The following KIF13A variants were observed in gnomAD, a reference collection of about 807,000 sequenced individuals.
KIF13A encodes kinesin family member 13A.
Under a neutral mutation model 212.2 loss-of-function variants are expected in KIF13A, and 79 were observed. The ratio of observed to expected loss-of-function variants is 0.37; its 90% CI spans 0.31 to 0.45. The LOEUF is 0.45. KIF13A is among the 20% of genes least tolerant of loss of function. KIF13A has a pLI of 1.00. For missense variants in KIF13A, 1,901 were observed against 2,209.0 expected (o/e 0.86, Z 2.79); for synonymous variants, 789 against 808.6 (o/e 0.98, Z 0.41).
chr6:17,906,755 T>C (rs1773541726), intron 2 of KIF13A, among the ~76,000 whole-genome samples: 1 of 152,188 alleles, frequency 6.6e-6, no homozygotes, highest in Admixed American at 6.5e-5. Flanking sequence ...GCCTGGCTGC[T>C]GTGGTACTTT....
chr6:17,882,674 G>GC (rs1771183075), intron 3 of KIF13A, among the ~76,000 whole-genome samples: 1 of 151,580 alleles, frequency 6.6e-6, no homozygotes, highest in Admixed American at 6.6e-5. Context: ...CGATTCCCTT[G>GC]CCTCAGCCTC....
At position 17,786,368 on chromosome 6, in the gene KIF13A, G is replaced by A. The variant is rs1761055757; in HGVS notation, c.3362-727C>T. Among the ~76,000 whole-genome samples the A allele has an allele frequency of 6.6e-6, 1 of 152,146 alleles. No homozygotes were observed. The highest frequency in any genetic ancestry group is 1.5e-5 in the Non-Finnish European group (1 of 68,038). On this transcript the variant is annotated intron_variant, in intron 27 of 38. Coordinates refer to ENST00000259711, the MANE Select transcript of KIF13A (RefSeq NM_022113.6). This position sits in a 1 kb window ranked among gnomAD's most constrained non-coding sequence, Gnocchi z 5.4. ...AACCCCAGCACTTTTGGAGGCCGAG[G>A]TGGGCAGATCTCCTGAGGTCAGGAG... is the stretch of plus-strand genomic sequence containing the variant.
Position 17,787,997 on chromosome 6 carries a change from T to C in KIF13A, c.3262-122A>G, listed in dbSNP as rs534115716. 4.4e-5 allele frequency: 29 copies of C among 653,304 alleles called. No individual in the cohort carries two copies. The highest frequency in any genetic ancestry group is 3.6e-4 in the African/African-American group (20 of 55,644). The allele number at this position is 653,304 out of a possible 1,614,324, so 40.5% of individuals were successfully genotyped here. Reference sequence around the variant, plus strand: ...TTTCATTAGGAAAAGCTGTTGAACATTGCTGTGTGATTAATATGCAAGAAA... The same window carrying C: ...TTTCATTAGGAAAAGCTGTTGAACACTGCTGTGTGATTAATATGCAAGAAA... On this transcript the variant is annotated intron_variant, in intron 26 of 38. Coordinates refer to ENST00000259711, the MANE Select transcript of KIF13A (RefSeq NM_022113.6). The surrounding 1 kb of genome is among the most constrained non-coding windows in gnomAD (Gnocchi z 4.6).
chr6:17,775,117 T>C, intron 34 of KIF13A, 55 bp from the exon 35 acceptor site: 1 of 1,380,584 alleles, frequency 7.2e-7, no homozygotes, highest in East Asian at 2.5e-5. Context: ...TATAAGGGGT[T>C]TTTTTTATAT....
intron 3 of KIF13A, among the ~76,000 whole-genome samples, chr6:17,896,979 G>A (rs73723273): frequency 0.026 from 3,950 of 152,190 alleles, 189 homozygotes; most frequent in African/African-American, 0.09. Context: ...TATCTACGTC[G>A]ACAATTGCTC....
chr6:17,827,050 A>C (rs1481751411), intron 14 of KIF13A, among the ~76,000 whole-genome samples: 1 of 151,692 alleles, frequency 6.6e-6, no homozygotes, highest in African/African-American at 2.4e-5. Context: ...CAACAGAGTG[A>C]GACTCTGTCT....
intron 2 of KIF13A, among the ~76,000 whole-genome samples, chr6:17,949,984 C>T (rs1200531656): frequency 6.6e-6 from 1 of 152,070 alleles, no homozygotes; most frequent in Non-Finnish European, 1.5e-5. Context: ...TAGCTAGCTC[C>T]CTTATTCCTA....
At chr6:17,780,652 A>C in intron 31 of KIF13A, 78 bp downstream of exon 31, 2 of 1,396,414 alleles carry the variant, frequency 1.4e-6, no homozygotes, top group Non-Finnish European at 2.0e-6. Context: ...AGCACCAAAA[A>C]ACACTGCTTT....
At chr6:17,929,059 CAAAAAAAAAA>C (rs375511285) in intron 2 of KIF13A, among the ~76,000 whole-genome samples, 18 of 36,682 alleles carry the variant, frequency 4.9e-4, no homozygotes, top group East Asian at 4.9e-3. Context: ...AAGAATTTCT[CAAAAAAAAAA>C]AAAAAAAAAA....
intron 16 of KIF13A, among the ~76,000 whole-genome samples, chr6:17,822,077 T>C (rs1452929374): frequency 6.7e-6 from 1 of 149,930 alleles, no homozygotes; most frequent in African/African-American, 2.5e-5. Context: ...TCTTGCTCTG[T>C]CACCCAGGTT....
rs1581816874 is a variant in KIF13A, at chr6:17,947,692, T to A, written c.146+39362A>T. Among the ~76,000 whole-genome samples the A allele has an allele frequency of 6.6e-6, 1 of 152,002 alleles. No individual in the cohort carries two copies. Among genetic ancestry groups the A allele is most frequent in the Non-Finnish European group, 1.5e-5 (1 of 67,972 alleles). ...TCTCTACTAAAAATACAAAAAAAAA[T>A]TAGCCAGGCATGGTGGCGGGTGCCT... On this transcript the variant is annotated intron_variant, in intron 2 of 38. Transcript: ENST00000259711. This position sits in a 1 kb window ranked among gnomAD's most constrained non-coding sequence, Gnocchi z 4.6.
chr6:17,877,018 T>C (rs1770623204), intron 3 of KIF13A, among the ~76,000 whole-genome samples: 1 of 152,170 alleles, frequency 6.6e-6, no homozygotes, highest in Non-Finnish European at 1.5e-5. Context: ...GCCTGCAATG[T>C]TTATAGTAGT....
intron 2 of KIF13A, among the ~76,000 whole-genome samples, chr6:17,913,456 CTGGAGCCTG>C (rs1452663085): frequency 1.1e-4 from 17 of 152,234 alleles, no homozygotes; most frequent in Admixed American, 1.1e-3. Context: ...CCACATGGAG[CTGGAGCCTG>C]TTCCAAAAAG....
chr6:17,878,490 A>C (rs1443426971), intron 3 of KIF13A, among the ~76,000 whole-genome samples: 2 of 149,090 alleles, frequency 1.3e-5, no homozygotes, highest in African/African-American at 5.0e-5. Flanking sequence ...TTGTGTTGCC[A>C]AGGCTGGTCT....
At chr6:17,832,750 A>C (rs1422946578) in intron 12 of KIF13A, among the ~76,000 whole-genome samples, 1 of 151,436 alleles carries the variant, frequency 6.6e-6, no homozygotes, top group Non-Finnish European at 1.5e-5. Context: ...AGTGGCTCAC[A>C]CTTGTAATCC....
intron 2 of KIF13A, among the ~76,000 whole-genome samples, chr6:17,962,514 C>T (rs575039316): frequency 1.8e-4 from 27 of 152,202 alleles, no homozygotes; most frequent in South Asian, 4.2e-4. Flanking sequence ...GAGATGAGCA[C>T]AGCCAGGAAG....
Position 17,828,278 on chromosome 6 carries a change from A to C in KIF13A, c.1494T>G (p.Ser498=). 6.2e-7 allele frequency: 1 copy of C among 1,610,396 alleles called. No individual in the cohort carries two copies. The highest frequency in any genetic ancestry group is 8.5e-7 in the Non-Finnish European group (1 of 1,178,098). ...QPQHCEIDIA[S]DGDVTLTPKE... ...TTGGAGTGAGAGTGACGTCTCCATC[A>C]GATGCAATGTCAATCTCACAGTGCT... The change falls in exon 14 of 39, where the codon TCT becomes TCG. Residue 498 remains serine, a synonymous_variant. Coordinates refer to ENST00000259711, the MANE Select transcript of KIF13A (RefSeq NM_022113.6). The surrounding 1 kb of genome is among the most constrained non-coding windows in gnomAD (Gnocchi z 4.3).
At chr6:17,858,774 T>G (rs1321618273) in intron 4 of KIF13A, among the ~76,000 whole-genome samples, 1 of 152,066 alleles carries the variant, frequency 6.6e-6, no homozygotes, top group Non-Finnish European at 1.5e-5. Flanking sequence ...CTGTTTGATC[T>G]TCCACACTGG....
At chr6:17,946,443 CA>C (rs368432672) in intron 2 of KIF13A, among the ~76,000 whole-genome samples, 7,732 of 128,520 alleles carry the variant, frequency 0.06, 271 homozygotes, top group Non-Finnish European at 0.089. Context: ...TTTAAAAGGC[CA>C]AAAAAAAAAC....
Sources: gnomAD v4.1 joint callset for allele counts (sites outside exome capture counted in the v4.1 genomes callset) on GRCh38, gnomAD v4.1.1 for gene constraint, Gnocchi (gnomAD v3.1) non-coding constraint, MANE v1.5 for transcripts, NCBI Gene and HGNC (gene_info 2026-07-23, HGNC 2026-07-21) for gene names.